Variants in LEPR observed in about 807,000 individuals in gnomAD.
The protein encoded by LEPR is leptin receptor, also known as OB receptor.
Under a neutral mutation model 114.7 loss-of-function variants are expected in LEPR, and 56 were observed. That is an observed-to-expected ratio of 0.49 (90% CI 0.39 to 0.61). LEPR has a LOEUF of 0.61. LEPR is among the 20% of genes least tolerant of loss of function. The pLI is 0.00. For missense variants in LEPR, 1,202 were observed against 1,352.9 expected (o/e 0.89, Z 1.75); for synonymous variants, 443 against 461.4 (o/e 0.96, Z 0.51).
intron 11 of LEPR, among the ~76,000 whole-genome samples, chr1:65,605,454 A>G (rs1557691568): frequency 6.6e-6 from 1 of 152,328 alleles, no homozygotes; most frequent in South Asian, 2.1e-4. Flanking sequence ...AGCAATAGGA[A>G]TATTTTCTGC....
chr1:65,478,844 CTG>C (rs1363542830), intron 2 of LEPR, among the ~76,000 whole-genome samples: 2 of 152,294 alleles, frequency 1.3e-5, no homozygotes, highest in East Asian at 3.9e-4. Flanking sequence ...CCAATGGAAA[CTG>C]TACTCACCCC....
chr1:65,596,337 A>T, intron 6 of LEPR, 111 bp from the exon 7 acceptor site: 1 of 1,331,054 alleles, frequency 7.5e-7, no homozygotes, highest in Non-Finnish European at 1.1e-6. Flanking sequence ...GTCACCTTTT[A>T]AGTACTTGAA....
At chr1:65,422,142 T>C (rs562449683) in intron 1 of LEPR, among the ~76,000 whole-genome samples, 1 of 152,208 alleles carries the variant, frequency 6.6e-6, no homozygotes, top group Non-Finnish European at 1.5e-5. Context: ...TGTGATCTTA[T>C]TTGGAAGTAG....
At chr1:65,552,195 G>C (rs1175617600) in intron 2 of LEPR, among the ~76,000 whole-genome samples, 1 of 152,174 alleles carries the variant, frequency 6.6e-6, no homozygotes, top group Non-Finnish European at 1.5e-5. Flanking sequence ...GATTTGGGGT[G>C]GAGAGTTCTG....
chr1:65,468,123 A>G (rs892071053), intron 2 of LEPR, among the ~76,000 whole-genome samples: 54 of 152,140 alleles, frequency 3.5e-4, no homozygotes, highest in Non-Finnish European at 7.3e-5. Flanking sequence ...TTCTGCATTG[A>G]TCTCGCTGGA....
chr1:65,623,042 A>G, intron 19 of LEPR, 61 bp downstream of exon 19: 1 of 1,490,816 alleles, frequency 6.7e-7, no homozygotes, highest in Non-Finnish European at 9.3e-7. Context: ...ACGCCATATG[A>G]CTTATAGAGC....
chr1:65,570,369 T>G (rs1654068077), intron 3 of LEPR, 104 bp from the exon 4 acceptor site: 8 of 1,127,056 alleles, frequency 7.1e-6, no homozygotes, highest in Non-Finnish European at 1.0e-5. Context: ...CTTAGAAAGT[T>G]AAATAATTAT....
chr1:65,500,808 C>T (rs947920968), intron 2 of LEPR, among the ~76,000 whole-genome samples: 1 of 152,024 alleles, frequency 6.6e-6, no homozygotes, highest in East Asian at 1.9e-4. Context: ...CACCCTTAAC[C>T]CCCACGTTGT....
chr1:65,546,017 T>C (rs1651682600), intron 2 of LEPR, among the ~76,000 whole-genome samples: 1 of 151,690 alleles, frequency 6.6e-6, no homozygotes, highest in East Asian at 1.9e-4. Context: ...GTTTCAGCTT[T>C]CTACATATGG....
At chr1:65,556,983 A>T (rs1373390164) in intron 2 of LEPR, among the ~76,000 whole-genome samples, 3 of 152,200 alleles carry the variant, frequency 2.0e-5, no homozygotes, top group Non-Finnish European at 4.4e-5. Flanking sequence ...CTATGTTGAT[A>T]ACTGACTGAA....
chr1:65,588,317 A>G (rs573031610), intron 5 of LEPR, among the ~76,000 whole-genome samples: 3 of 151,620 alleles, frequency 2.0e-5, no homozygotes, highest in African/African-American at 4.8e-5. Context: ...TTTTTTTAAG[A>G]TTGACCTACT....
At chr1:65,555,921 A>G (rs571722144) in intron 2 of LEPR, among the ~76,000 whole-genome samples, 2 of 152,100 alleles carry the variant, frequency 1.3e-5, no homozygotes, top group Non-Finnish European at 2.9e-5. Flanking sequence ...TTTTTGAATG[A>G]CTGCTAAGGC....
intron 2 of LEPR, among the ~76,000 whole-genome samples, chr1:65,465,778 A>C (rs1647003914): frequency 6.6e-6 from 1 of 152,188 alleles, no homozygotes; most frequent in African/African-American, 2.4e-5. Context: ...ACCATTACGT[A>C]GTGGCCTTCT....
At chr1:65,554,409 G>A (rs1463110485) in intron 2 of LEPR, among the ~76,000 whole-genome samples, 1 of 152,172 alleles carries the variant, frequency 6.6e-6, no homozygotes, top group African/African-American at 2.4e-5. Flanking sequence ...GAGATGCCCT[G>A]CCCAGAGAGG....
chr1:65,539,471 C>G (rs902185447), intron 2 of LEPR, among the ~76,000 whole-genome samples: 16 of 152,164 alleles, frequency 1.1e-4, no homozygotes, highest in Admixed American at 9.2e-4. Context: ...GGCACTCAAT[C>G]AAAGAGCTGC....
At position 65,495,241 on chromosome 1, in the gene LEPR, C is replaced by T. The variant is rs575723972; in HGVS notation, c.-21+69863C>T. 1.9e-3 allele frequency among the ~76,000 whole-genome samples: 284 copies of T among 152,072 alleles called. 1 individual carries two copies. The highest frequency in any genetic ancestry group is 6.4e-3 in the African/African-American group (264 of 41,504). On this transcript the variant is annotated intron_variant, in intron 2 of 19. Coordinates refer to ENST00000349533, the MANE Select transcript of LEPR (RefSeq NM_002303.6). ...CAAAAAAAGCCAATAACCCAAAAGACCTAAATAGACATTTCTGAAAAGAAG... is the reference window on the plus strand; with the variant it reads ...CAAAAAAAGCCAATAACCCAAAAGATCTAAATAGACATTTCTGAAAAGAAG...
chr1:65,477,688 A>G (rs1647174783), intron 2 of LEPR, among the ~76,000 whole-genome samples: 1 of 152,222 alleles, frequency 6.6e-6, no homozygotes, highest in Admixed American at 6.5e-5. Flanking sequence ...AAATGGGTTC[A>G]ACAGGAATGC....
intron 2 of LEPR, among the ~76,000 whole-genome samples, chr1:65,455,889 C>T (rs140935590): frequency 0.048 from 7,303 of 152,240 alleles, 578 homozygotes; most frequent in African/African-American, 0.17. Context: ...GCCTTGCTGC[C>T]GCCTTGCAGT....
intron 5 of LEPR, among the ~76,000 whole-genome samples, chr1:65,573,588 C>G (rs1654363779): frequency 6.6e-6 from 1 of 152,134 alleles, no homozygotes; most frequent in African/African-American, 2.4e-5. Flanking sequence ...ATTTTTATGT[C>G]AATTTTAACT....
Sources: allele counts gnomAD v4.1 joint callset (sites outside exome capture counted in the v4.1 genomes callset), GRCh38; gene constraint gnomAD v4.1.1; transcripts MANE v1.5; gene names NCBI Gene and HGNC (gene_info 2026-07-23, HGNC 2026-07-21).